Variants in CARD8 observed in about 807,000 individuals in gnomAD.
The protein encoded by CARD8 is caspase recruitment domain family member 8, also known as caspase recruitment domain-containing protein 8.
Under a neutral mutation model 53.2 loss-of-function variants are expected in CARD8, and 38 were observed. That is an observed-to-expected ratio of 0.71 (90% CI 0.55 to 0.94). The LOEUF is 0.94. Among genes scored for constraint, CARD8 ranks in the 40% least tolerant of loss-of-function variants. CARD8 has a pLI of 0.00. For synonymous variants in CARD8, 245 were observed against 244.9 expected, an observed-to-expected ratio of 1.00 and a Z score of 0.00; for missense variants, 561 against 655.5, an observed-to-expected ratio of 0.86 and a Z score of 1.57.
At position 48,239,117 on chromosome 19, in the gene CARD8, A is replaced by G. The variant is rs568655290; in HGVS notation, c.60-585T>C. 5.9e-5 allele frequency among the ~76,000 whole-genome samples: 9 copies of G among 152,340 alleles called. No individual in the cohort carries two copies. The East Asian group carries it at 1.5e-3, about 26-fold the overall frequency. ...ACAGGAGGGAATGTTAACCAGATGA[A>G]GTTGTTTGCACAACACTGAATGGAC... is the stretch of plus-strand genomic sequence containing the variant. On this transcript the variant is annotated intron_variant, in intron 4 of 13. Transcript: ENST00000651546.
At chr19:48,229,696 AAG>A (rs2042474155) in intron 10 of CARD8, among the ~76,000 whole-genome samples, 1 of 152,208 alleles carries the variant, frequency 6.6e-6, no homozygotes, top group African/African-American at 2.4e-5. Flanking sequence ...ACTAACTCAG[AAG>A]AGAGTGTGGG....
At chr19:48,204,738 C>A (rs1211340891), downstream of CARD8, among the ~76,000 whole-genome samples, 1 of 151,914 alleles carries the variant, frequency 6.6e-6, no homozygotes, top group Non-Finnish European at 1.5e-5. Context: ...GAAGAACTGG[C>A]GCTGTAAAGA....
At chr19:48,254,999 CCTTT>C (rs2047415742) in intron 1 of CARD8, among the ~76,000 whole-genome samples, 1 of 152,244 alleles carries the variant, frequency 6.6e-6, no homozygotes, top group African/African-American at 2.4e-5. Flanking sequence ...TTTCTGTCTT[CCTTT>C]ATCTCCCTGA....
At chr19:48,229,576 C>T (rs760824324) in intron 10 of CARD8, among the ~76,000 whole-genome samples, 5 of 152,200 alleles carry the variant, frequency 3.3e-5, no homozygotes, top group Non-Finnish European at 1.5e-5. Flanking sequence ...GGGGACGATA[C>T]AATTTAATGT....
chr19:48,218,703 C>G (rs905526766), intron 12 of CARD8, among the ~76,000 whole-genome samples, 168 bp downstream of exon 12: 1 of 151,984 alleles, frequency 6.6e-6, no homozygotes, highest in Non-Finnish European at 1.5e-5. Flanking sequence ...CCCAAAAGGC[C>G]CCAGTGTGTG....
chr19:48,224,181 C>T (rs1421350093), intron 10 of CARD8, among the ~76,000 whole-genome samples: 1 of 152,090 alleles, frequency 6.6e-6, no homozygotes, highest in Non-Finnish European at 1.5e-5. Context: ...AGGCTGGTCT[C>T]GAACTCCTGA....
chr19:48,248,996 G>C lies in CARD8; in HGVS notation c.-44+527C>G, dbSNP rs367803346. On this transcript the variant is annotated intron_variant, in intron 3 of 13. Coordinates refer to ENST00000651546, the MANE Select transcript of CARD8 (RefSeq NM_001184900.3). ...GCGGATCACCTGAGATCAGGAGTTC[G>C]AAGCCAGACTGGCAACATAGTGAAA... 1.4e-4 allele frequency among the ~76,000 whole-genome samples: 22 copies of C among 152,246 alleles called. No homozygotes were observed. The South Asian group carries it at 4.6e-3, about 32-fold the overall frequency.
At chr19:48,225,318 C>T (rs1345980305) in intron 10 of CARD8, among the ~76,000 whole-genome samples, 4 of 151,320 alleles carry the variant, frequency 2.6e-5, no homozygotes, top group African/African-American at 7.3e-5. Context: ...TGGTGAAACC[C>T]CATTTCTACT....
intron 1 of CARD8, among the ~76,000 whole-genome samples, chr19:48,253,660 A>G (rs1024836088): frequency 1.3e-5 from 2 of 152,210 alleles, no homozygotes; most frequent in African/African-American, 4.8e-5. Context: ...TGCACCTCCA[A>G]TAATATTAGA....
At chr19:48,225,492 AAAAT>A (rs559853997) in intron 10 of CARD8, among the ~76,000 whole-genome samples, 2 of 152,100 alleles carry the variant, frequency 1.3e-5, no homozygotes, top group Non-Finnish European at 1.5e-5. Context: ...CCCCTTCTCA[AAAAT>A]AAATAAATAA....
At chr19:48,215,115 C>G (rs2038996326) in intron 13 of CARD8, 1 of 418,990 alleles carries the variant, frequency 2.4e-6, no homozygotes, top group South Asian at 2.6e-5. Flanking sequence ...TTTTAATAAA[C>G]TTTCTCTCCT....
chr19:48,226,784 A>G (rs1350876197), intron 10 of CARD8, among the ~76,000 whole-genome samples: 7 of 152,180 alleles, frequency 4.6e-5, no homozygotes, highest in Non-Finnish European at 8.8e-5. Context: ...TGCTATGAAA[A>G]TGAAAAGAAT....
Position 48,246,842 on chromosome 19 carries a change from A to G in CARD8, c.-44+2681T>C, listed in dbSNP as rs375211436. Among the ~76,000 whole-genome samples the G allele has an allele frequency of 5.9e-5, 9 of 152,310 alleles. No homozygotes were observed. The East Asian group carries it at 9.6e-4, about 16-fold the overall frequency. Reference sequence around the variant, plus strand: ...GCTGTGGGAAATCTGACATTCTGATATTGCTGATGGGAGTGTCACCTGCTA... The same window carrying G: ...GCTGTGGGAAATCTGACATTCTGATGTTGCTGATGGGAGTGTCACCTGCTA... On this transcript the variant is annotated intron_variant, in intron 3 of 13. Coordinates refer to ENST00000651546, the MANE Select transcript of CARD8 (RefSeq NM_001184900.3).
chr19:48,214,339 C>T (rs1276337840), intron 13 of CARD8, among the ~76,000 whole-genome samples: 1 of 152,186 alleles, frequency 6.6e-6, no homozygotes, highest in Admixed American at 6.5e-5. Flanking sequence ...TAATTGGTTG[C>T]AGCCGGCACC....
chr19:48,241,999 C>A (rs1014379843), intron 3 of CARD8, among the ~76,000 whole-genome samples: 3 of 152,186 alleles, frequency 2.0e-5, no homozygotes, highest in Non-Finnish European at 4.4e-5. Context: ...TCCCCACAGG[C>A]ACGCACACCC....
chr19:48,238,089 C>T (rs185910860), intron 5 of CARD8, among the ~76,000 whole-genome samples: 2 of 151,838 alleles, frequency 1.3e-5, no homozygotes, highest in Non-Finnish European at 2.9e-5. Flanking sequence ...TGGGGTTTCA[C>T]CATGTAGGCC....
chr19:48,241,346 C>G (rs2045033279), intron 3 of CARD8, among the ~76,000 whole-genome samples: 1 of 152,178 alleles, frequency 6.6e-6, no homozygotes, highest in Non-Finnish European at 1.5e-5. Flanking sequence ...ACCTCCACCT[C>G]CCGGGTTCAA....
intron 10 of CARD8, among the ~76,000 whole-genome samples, chr19:48,229,673 C>T (rs116950953): frequency 0.034 from 5,105 of 152,294 alleles, 126 homozygotes; most frequent in Non-Finnish European, 0.054. Context: ...GCAACCAGCA[C>T]GTCTGCTTCA....
chr19:48,235,515 G>C (rs2043717639), intron 5 of CARD8, among the ~76,000 whole-genome samples: 1 of 152,080 alleles, frequency 6.6e-6, no homozygotes, highest in Non-Finnish European at 1.5e-5. Context: ...AATTTTTCTG[G>C]GTAATGGACA....
Sources: allele counts gnomAD v4.1 joint callset (sites outside exome capture counted in the v4.1 genomes callset), GRCh38; gene constraint gnomAD v4.1.1; transcripts MANE v1.5; gene names NCBI Gene and HGNC (gene_info 2026-07-23, HGNC 2026-07-21).